BMP15: variants seen among roughly 807,000 people sequenced by gnomAD.
BMP15 encodes the protein bone morphogenetic protein 15.
BMP15 carries 5 observed loss-of-function variants against 4.4 expected under a neutral mutation model. The ratio of observed to expected loss-of-function variants is 1.13; its 90% confidence interval spans 0.59 to 2.38. The LOEUF (loss-of-function observed/expected upper bound fraction) is 2.38. BMP15 is among the 30% of genes most tolerant of loss of function. BMP15 has a pLI of 0.01. For synonymous variants in BMP15, 125 were observed against 114.6 expected (o/e 1.09, Z -0.58); for missense variants, 339 against 309.8 (o/e 1.09, Z -0.71).
rs1439419433 is a variant in BMP15 at position 50,911,022 on chromosome X, C to T, written c.239C>T (p.Ser80Leu). Reference sequence around the variant, plus strand: ...GAGTTGTACCGGCGTTCAGCTGACTCGCATGGGCACCCTAGAGAGAACCGC... The same window carrying T: ...GAGTTGTACCGGCGTTCAGCTGACTTGCATGGGCACCCTAGAGAGAACCGC... The part of the protein sequence containing the change: ...MLELYRRSAD[S>L]HGHPRENRTI... Residue 80 changes from serine to leucine, a missense_variant, in exon 1 of 2, where the codon TCG becomes TTG. Ser to Leu is a moderately radical substitution (Grantham distance 145, BLOSUM62 -2). Transcript: ENST00000252677. The T allele has an allele frequency of 6.7e-6, 8 of 1,197,104 alleles. No homozygotes were observed. Among genetic ancestry groups the T allele is most frequent in the East Asian group, 3.0e-5 (1 of 33,008 alleles).
In BMP15 at chrX:50,916,246, C is replaced by T; in HGVS notation, c.818C>T (p.Ser273Leu). 1.7e-6 allele frequency: 2 copies of T among 1,211,238 alleles called. No individual in the cohort carries two copies. Among genetic ancestry groups the T allele is most frequent in the Non-Finnish European group, 2.2e-6 (2 of 895,274 alleles). ...AGAACCCGACAAGCAGATGGTATCTCAGCTGAGGTTACTGCCTCTTCCTCA... is the reference window on the plus strand; with the variant it reads ...AGAACCCGACAAGCAGATGGTATCTTAGCTGAGGTTACTGCCTCTTCCTCA... ...LRRTRQADGI[S>L]AEVTASSSKH... Residue 273 changes from serine (S) to leucine (L), a missense_variant, in exon 2 of 2, where the codon TCA (serine) becomes TTA (leucine). Physicochemically the swap from Ser to Leu is moderately radical, Grantham distance 145. Transcript: ENST00000252677.
intron 1 of BMP15, 138 bp from the exon 2 acceptor site, chrX:50,915,618 TA>T: frequency 1.3e-6 from 1 of 754,486 alleles, no homozygotes; most frequent in Non-Finnish European, 2.0e-6. Flanking sequence ...AAGTGCTCAG[TA>T]AATGATAGTA....
At chrX:50,914,638 A>G (rs1350414623) in intron 1 of BMP15, among the ~76,000 whole-genome samples, 1 of 111,969 alleles carries the variant, frequency 8.9e-6, no homozygotes, top group Non-Finnish European at 1.9e-5. Context: ...TAAAAATGCC[A>G]CATCTAATGA....
intron 1 of BMP15, among the ~76,000 whole-genome samples, chrX:50,913,644 A>G (rs1333512300): frequency 9.0e-6 from 1 of 111,210 alleles, no homozygotes; most frequent in Non-Finnish European, 1.9e-5. Context: ...AGGATGTGTG[A>G]TTCAGCCCTT....
chrX:50,915,926 C>T lies in BMP15; in HGVS notation c.498C>T (p.Ser166=), dbSNP rs1557280290. 4.1e-6 allele frequency: 5 copies of T among 1,211,787 alleles called. No individual in the cohort carries two copies. The highest frequency in any genetic ancestry group is 5.6e-6 in the Non-Finnish European group (5 of 895,467). ...VQKNPTNHFP[S]SEGDSSKPSL... ...AAAACCCAACCAACCACTTCCCTTC[C>T]TCAGAAGGAGATTCCTCAAAACCTT... is the stretch of plus-strand genomic sequence containing the variant. Residue 166 remains serine (S), a synonymous_variant, in exon 2 of 2, where the codon TCC becomes TCT. Coordinates refer to ENST00000252677, the MANE Select transcript of BMP15 (RefSeq NM_005448.2).
rs782589890 is a variant in BMP15, at chrX:50,910,956, G to A, written c.173G>A (p.Arg58Lys). ...LLEESPGEQP[R>K]KPRLLGHSLR... ...GAAGAATCCCCTGGCGAACAGCCAA[G>A]GAAGCCCCGGCTCCTAGGGCATTCA... Residue 58 changes from arginine (R) to lysine (K), a missense_variant, in exon 1 of 2, where the codon AGG becomes AAG. Transcript: ENST00000252677. The A allele has an allele frequency of 4.2e-6, 5 of 1,190,752 alleles. No individual in the cohort carries two copies. Among genetic ancestry groups the A allele is most frequent in the Non-Finnish European group, 5.6e-6 (5 of 884,972 alleles).
intron 1 of BMP15, among the ~76,000 whole-genome samples, chrX:50,911,850 A>G (rs1455384447): frequency 9.0e-6 from 1 of 111,283 alleles, no homozygotes; most frequent in Non-Finnish European, 1.9e-5. Flanking sequence ...GACTAAGTGT[A>G]TTTTGGAACT....
intron 1 of BMP15, among the ~76,000 whole-genome samples, chrX:50,912,811 TGTG>T (rs1481288869): frequency 9.0e-6 from 1 of 111,688 alleles, no homozygotes; most frequent in Non-Finnish European, 1.9e-5. Flanking sequence ...AATTGTGAAT[TGTG>T]GTAAGTGCTA....
chrX:50,911,859 CT>C (rs782310802), intron 1 of BMP15, among the ~76,000 whole-genome samples: 2 of 110,988 alleles, frequency 1.8e-5, no homozygotes, highest in East Asian at 2.9e-4. Context: ...TATTTTGGAA[CT>C]TTTTTTTGTC....
chrX:50,914,567 A>G (rs1923086972), intron 1 of BMP15, among the ~76,000 whole-genome samples: 1 of 111,753 alleles, frequency 8.9e-6, no homozygotes, highest in Admixed American at 9.5e-5. Flanking sequence ...AGCCTGGGTG[A>G]CAGAGGGAGA....
chrX:50,910,911 C>T lies in BMP15; in HGVS notation c.128C>T (p.Pro43Leu). Residue 43 changes from proline to leucine, a missense_variant, in exon 1 of 2, where the codon CCC becomes CTC. Coordinates refer to ENST00000252677, the MANE Select transcript of BMP15 (RefSeq NM_005448.2). ...IALLAEAPTL[P>L]LIEELLEESP... ...CTTCTGGCTGAGGCCCCTACTTTGC[C>T]CCTGATTGAGGAGCTGCTAGAAGAA... 3.3e-6 allele frequency: 4 copies of T among 1,199,794 alleles called. No homozygotes were observed. The highest frequency in any genetic ancestry group is 1.8e-5 in the South Asian group (1 of 55,059).
chrX:50,916,543 C>A lies in BMP15; in HGVS notation c.1115C>A (p.Ala372Glu), dbSNP rs781893052. The change falls in exon 2 of 2, where the codon GCA becomes GAA. Residue 372 changes from alanine to glutamate, a missense_variant. Ala to Glu is a moderately radical substitution (Grantham distance 107). Transcript: ENST00000252677. The stretch of plus-strand genomic sequence containing the variant: ...CCAATTAGTGTCCTTATGATTGAGG[C>A]AAATGGGAGTATTTTGTACAAGGAG... ...YVPISVLMIE[A>E]NGSILYKEYE... 1 of 1,209,094 alleles carries A rather than the reference C, an allele frequency of 8.3e-7. No homozygotes were observed. Among genetic ancestry groups the A allele is most frequent in the African/African-American group, 1.8e-5 (1 of 57,015 alleles).
Position 50,916,464 on chromosome X carries a change from C to T in BMP15, c.1036C>T (p.Gln346Ter). Reference protein sequence around the residue: ...NHAIIQNLINQLVDQSVPRPS... With the variant: ...NHAIIQNLIN ...CGCCATTATTCAGAACCTTATCAAT[C>T]AGTTGGTGGACCAGAGTGTCCCCCG... Residue 346 changes from glutamine (Q) to a stop codon, truncating the protein, a stop_gained, in exon 2 of 2, where the codon CAG becomes TAG. Transcript: ENST00000252677. LOFTEE classifies it low-confidence loss of function (END_TRUNC). 1 of 1,211,541 alleles carries T rather than the reference C, an allele frequency of 8.3e-7. No individual in the cohort carries two copies. The highest frequency in any genetic ancestry group is 3.0e-5 in the East Asian group (1 of 33,830).
At chrX:50,912,697 C>A (rs926757485) in intron 1 of BMP15, among the ~76,000 whole-genome samples, 2 of 111,436 alleles carry the variant, frequency 1.8e-5, no homozygotes, top group Non-Finnish European at 3.8e-5. Context: ...CAAATGTTGG[C>A]ACCTACTGAG....
At chrX:50,911,470 C>T (rs985069514) in intron 1 of BMP15, among the ~76,000 whole-genome samples, 2 of 111,891 alleles carry the variant, frequency 1.8e-5, no homozygotes, top group Admixed American at 9.5e-5. Context: ...ATTTAAGTGG[C>T]GTTTTGCTCT....
At chrX:50,912,371 G>T (rs1557280020) in intron 1 of BMP15, among the ~76,000 whole-genome samples, 7 of 111,799 alleles carry the variant, frequency 6.3e-5, no homozygotes, top group Non-Finnish European at 5.6e-5. Flanking sequence ...TGTTTGGGTT[G>T]GGTATATAGA....
At chrX:50,914,166 G>T (rs1452829815) in intron 1 of BMP15, among the ~76,000 whole-genome samples, 6 of 111,336 alleles carry the variant, frequency 5.4e-5, no homozygotes, top group African/African-American at 2.0e-4. Flanking sequence ...GAGGCAGGGT[G>T]TCACCATGTT....
rs1923140917 is a variant in BMP15, at chrX:50,916,467, TTGG to T, written c.1043_1045del (p.Val348del). On this transcript the variant is annotated inframe_deletion, in exon 2 of 2. Coordinates refer to ENST00000252677, the MANE Select transcript of BMP15 (RefSeq NM_005448.2). Reference sequence around the variant, plus strand: ...CATTATTCAGAACCTTATCAATCAGTTGGTGGACCAGAGTGTCCCCCGGCCCTC... The same window carrying T: ...CATTATTCAGAACCTTATCAATCAGTTGGACCAGAGTGTCCCCCGGCCCTC... 8.3e-7 allele frequency: 1 copy of T among 1,209,478 alleles called. No individual in the cohort carries two copies. The highest frequency in any genetic ancestry group is 1.8e-5 in the African/African-American group (1 of 56,985).
At chrX:50,912,278 C>T (rs1053691471) in intron 1 of BMP15, among the ~76,000 whole-genome samples, 3 of 111,640 alleles carry the variant, frequency 2.7e-5, no homozygotes, top group Admixed American at 9.5e-5. Flanking sequence ...GTATCAAACC[C>T]AGGCTCTCAG....
Sources: gnomAD v4.1 joint callset for allele counts (sites outside exome capture counted in the v4.1 genomes callset) on GRCh38, gnomAD v4.1.1 for gene constraint, MANE v1.5 for transcripts, NCBI Gene and HGNC (gene_info 2026-07-23, HGNC 2026-07-21) for gene names.